The following UBAP1 variants were observed in gnomAD, a reference collection of about 807,000 sequenced individuals.
UBAP1 encodes ubiquitin-associated protein 1.
In UBAP1, 5 loss-of-function variants were observed where a neutral mutation model predicts 39.0. The ratio of observed to expected loss-of-function variants is 0.13; its 90% CI spans 0.07 to 0.27. The LOEUF (loss-of-function observed/expected upper bound fraction) is 0.27, where lower values mean the gene tolerates loss of function less well. Ranked by LOEUF, UBAP1 falls within the 10% of genes least tolerant of loss-of-function variation. The pLI is 1.00. For synonymous variants in UBAP1, 211 were observed against 225.1 expected, an observed-to-expected ratio of 0.94 and a Z score of 0.56; for missense variants, 490 against 608.1, an observed-to-expected ratio of 0.81 and a Z score of 2.04.
At chr9:34,181,537 A>T (rs1038996199) in intron 1 of UBAP1, among the ~76,000 whole-genome samples, 23 of 151,190 alleles carry the variant, frequency 1.5e-4, no homozygotes, top group Non-Finnish European at 3.1e-4. Context: ...CGTTCACGCC[A>T]TTCTCCTGCC....
intron 1 of UBAP1, among the ~76,000 whole-genome samples, chr9:34,214,737 A>G (rs527764321): frequency 2.0e-5 from 3 of 152,332 alleles, no homozygotes; most frequent in South Asian, 2.1e-4. Flanking sequence ...TTCATAATGT[A>G]TACATCTGAC....
At chr9:34,182,959 T>C (rs1290623513) in intron 1 of UBAP1, among the ~76,000 whole-genome samples, 2 of 151,882 alleles carry the variant, frequency 1.3e-5, no homozygotes, top group Non-Finnish European at 2.9e-5. Context: ...TTTGTAGTTT[T>C]AGTAGAGATG....
At chr9:34,183,415 T>G (rs1285256783) in intron 1 of UBAP1, among the ~76,000 whole-genome samples, 2 of 151,488 alleles carry the variant, frequency 1.3e-5, no homozygotes, top group Admixed American at 1.3e-4. Context: ...CGTGGTGGTG[T>G]GTGCCTGTAG....
At position 34,186,079 on chromosome 9, in the gene UBAP1, C is replaced by T. The variant is rs546167423; in HGVS notation, c.-8+6839C>T. On this transcript the variant is annotated intron_variant, in intron 1 of 6. Coordinates refer to ENST00000297661, the MANE Select transcript of UBAP1 (RefSeq NM_016525.5). ...CCTCTTAGGTGGTCACAGGACCATT[C>T]CAATTCCTATAAGGTATAAGCACTA... 1.6e-4 allele frequency among the ~76,000 whole-genome samples: 25 copies of T among 152,242 alleles called. No homozygotes were observed. In the Middle Eastern group the frequency reaches 0.017, roughly 104 times the overall value.
chr9:34,233,287 T>C (rs901422933), intron 2 of UBAP1, among the ~76,000 whole-genome samples: 1 of 150,764 alleles, frequency 6.6e-6, no homozygotes, highest in Non-Finnish European at 1.5e-5. Context: ...AGTGGCGCGA[T>C]CTCGGCTGAC....
intron 1 of UBAP1, among the ~76,000 whole-genome samples, chr9:34,194,650 C>G (rs1830921154): frequency 6.6e-6 from 1 of 152,122 alleles, no homozygotes; most frequent in South Asian, 2.1e-4. Context: ...TGGAAATATC[C>G]ACTATTAGAA....
At chr9:34,231,624 C>G (rs1046492818) in intron 2 of UBAP1, among the ~76,000 whole-genome samples, 1 of 148,630 alleles carries the variant, frequency 6.7e-6, no homozygotes, top group African/African-American at 2.5e-5. Context: ...AAGGGACACT[C>G]AAAATTTTTT....
intron 3 of UBAP1, among the ~76,000 whole-genome samples, chr9:34,238,801 T>C (rs1563918595): frequency 6.6e-6 from 1 of 152,234 alleles, no homozygotes; most frequent in African/African-American, 2.4e-5. Context: ...GCAATATGAT[T>C]TAAAAACACC....
chr9:34,241,596 A>G lies in UBAP1; in HGVS notation c.571A>G (p.Ile191Val). ...RNILVGTTGPIMAQLLDNNLP... is the reference protein window; with the variant it reads ...RNILVGTTGPVMAQLLDNNLP... The stretch of plus-strand genomic sequence containing the variant: ...TATTCTGGTAGGAACCACTGGACCC[A>G]TTATGGCTCAGTTATTGGACAATAA... The change falls in exon 4 of 7, where the codon ATT (isoleucine) becomes GTT (valine). Residue 191 changes from isoleucine to valine, a missense_variant. Physicochemically the swap from Ile to Val is conservative, Grantham distance 29 (BLOSUM62 3). Around this residue, in one of 3 missense-constraint regions of UBAP1, gnomAD observed 339 missense variants for 390.0 expected, o/e 0.87. Transcript: ENST00000297661. The G allele has an allele frequency of 6.2e-7, 1 of 1,614,154 alleles. No individual in the cohort carries two copies. Among genetic ancestry groups the G allele is most frequent in the Admixed American group, 1.7e-5 (1 of 60,014 alleles).
At chr9:34,225,791 AAAAAG>A (rs1209785765) in intron 2 of UBAP1, among the ~76,000 whole-genome samples, 129 of 151,688 alleles carry the variant, frequency 8.5e-4, no homozygotes, top group African/African-American at 2.9e-3. Context: ...AAAAAAAAAA[AAAAAG>A]AAAAGAAAAA....
At chr9:34,217,597 C>T (rs1033838761) in intron 1 of UBAP1, among the ~76,000 whole-genome samples, 2 of 149,500 alleles carry the variant, frequency 1.3e-5, no homozygotes, top group African/African-American at 4.9e-5. Flanking sequence ...TATTTTGATT[C>T]GGGGGCACAT....
At chr9:34,233,996 A>C (rs1417024145) in intron 2 of UBAP1, among the ~76,000 whole-genome samples, 2 of 152,190 alleles carry the variant, frequency 1.3e-5, no homozygotes, top group Non-Finnish European at 2.9e-5. Flanking sequence ...TGGCTTTTAC[A>C]CTAAGTGCCA....
intron 1 of UBAP1, among the ~76,000 whole-genome samples, chr9:34,218,743 A>T (rs1029117681): frequency 1.3e-5 from 2 of 152,050 alleles, no homozygotes; most frequent in Admixed American, 6.6e-5. Flanking sequence ...AGACCAGCCT[A>T]TCCAACATGG....
chr9:34,223,433 T>C (rs1284445002), intron 2 of UBAP1, among the ~76,000 whole-genome samples: 2 of 152,042 alleles, frequency 1.3e-5, no homozygotes, highest in Non-Finnish European at 2.9e-5. Flanking sequence ...AAAGAATTCT[T>C]AACCAAAGTG....
At position 34,186,897 on chromosome 9, in the gene UBAP1, TTTTTTTA is replaced by T. The variant is rs532332530; in HGVS notation, c.-8+7678_-8+7684del. Among the ~76,000 whole-genome samples the T allele has an allele frequency of 9.4e-4, 143 of 152,176 alleles. 3 individuals carry two copies. In the South Asian group the frequency reaches 0.016, roughly 17 times the overall value. On this transcript the variant is annotated intron_variant, in intron 1 of 6. Transcript: ENST00000297661. ...TCTTTCATGGTTTGTGTTTTGTGTT[TTTTTTTA>T]TTTTTTATTTTTTATTTTTTGAGAT...
intron 2 of UBAP1, chr9:34,224,251 G>GC: frequency 2.1e-6 from 1 of 484,634 alleles, no homozygotes; most frequent in Non-Finnish European, 3.8e-6. Flanking sequence ...TGTGGCCCAG[G>GC]GGTAGCGCAT....
At chr9:34,211,963 G>A in intron 1 of UBAP1, 1 of 418,918 alleles carries the variant, frequency 2.4e-6, no homozygotes, top group African/African-American at 2.1e-5. Flanking sequence ...TAAGTTGTTG[G>A]TTTTGGGATT....
chr9:34,205,114 C>T (rs1831613443), intron 1 of UBAP1, among the ~76,000 whole-genome samples: 2 of 152,212 alleles, frequency 1.3e-5, no homozygotes, highest in Middle Eastern at 3.4e-3. Context: ...CCTCCCCAGG[C>T]TCAGGTGGTC....
intron 1 of UBAP1, among the ~76,000 whole-genome samples, chr9:34,185,677 C>G (rs965747820): frequency 3.9e-5 from 6 of 152,266 alleles, no homozygotes; most frequent in Admixed American, 2.0e-4. Context: ...GAAACCCCGT[C>G]TCTACTAAAA....
Sources: gnomAD v4.1 joint callset for allele counts (sites outside exome capture counted in the v4.1 genomes callset) on GRCh38, gnomAD v4.1.1 for gene constraint, gnomAD v4.1.1 regional missense constraint, MANE v1.5 for transcripts, NCBI Gene and HGNC (gene_info 2026-07-23, HGNC 2026-07-21) for gene names.